FAM184A: variants seen among roughly 807,000 people sequenced by gnomAD.
FAM184A encodes the protein protein FAM184A.
A neutral mutation model predicts 143.8 loss-of-function variants in FAM184A; 99 were observed. That is an observed-to-expected ratio of 0.69 (90% CI 0.58 to 0.81). The LOEUF is 0.81. Ranked by LOEUF, FAM184A falls within the 40% of genes least tolerant of loss-of-function variation. The pLI, the probability that FAM184A is intolerant of heterozygous loss-of-function variation, is 0.00. For synonymous variants in FAM184A, 427 were observed against 446.4 expected (o/e 0.96, Z 0.55); for missense variants, 1,217 against 1,310.5 (o/e 0.93, Z 1.10).
intron 9 of FAM184A, among the ~76,000 whole-genome samples, chr6:118,996,204 A>C (rs1359307010): frequency 1.3e-5 from 2 of 152,218 alleles, no homozygotes; most frequent in Admixed American, 1.3e-4. Flanking sequence ...TTAGAAGAAA[A>C]AATCTTAAGA....
intron 1 of FAM184A, among the ~76,000 whole-genome samples, chr6:119,093,059 A>G (rs1401955455): frequency 6.6e-6 from 1 of 152,132 alleles, no homozygotes; most frequent in African/African-American, 2.4e-5. Context: ...CAAATAATTG[A>G]ATTCTTTTTA....
chr6:119,120,159 T>C (rs1789172217), intron 1 of FAM184A, among the ~76,000 whole-genome samples: 1 of 152,250 alleles, frequency 6.6e-6, no homozygotes, highest in Non-Finnish European at 1.5e-5. Flanking sequence ...TGCACCCATT[T>C]GCTGTTACTC....
intron 7 of FAM184A, among the ~76,000 whole-genome samples, chr6:119,003,960 C>T (rs923508619): frequency 1.1e-4 from 17 of 152,310 alleles, no homozygotes; most frequent in African/African-American, 3.8e-4. Flanking sequence ...TTTACCTGTA[C>T]ACCCATTACA....
At chr6:119,069,884 A>G (rs540074300) in intron 1 of FAM184A, among the ~76,000 whole-genome samples, 1 of 152,274 alleles carries the variant, frequency 6.6e-6, no homozygotes, top group South Asian at 2.1e-4. Context: ...TAAAATTATC[A>G]ATTTTATTGA....
At position 119,003,016 on chromosome 6, in the gene FAM184A, C is replaced by T. The variant is rs762227163; in HGVS notation, c.1971G>A (p.Arg657=). The stretch of plus-strand genomic sequence containing the variant: ...ACTTCTTATCCTCTTCATGTTGAAG[C>T]CTTAACTCTTCACGAAGTTTAGAAC... The part of the protein sequence containing the change: ...QECSKLREEL[R]LQHEEDKKSA... The change falls in exon 9 of 18, where the codon AGG becomes AGA. Residue 657 remains arginine (R), a synonymous_variant. Transcript: ENST00000338891. The T allele has an allele frequency of 7.5e-6, 12 of 1,609,480 alleles. No individual in the cohort carries two copies. In the African/African-American group the frequency reaches 1.2e-4, roughly 16 times the overall value.
At chr6:119,087,854 G>T (rs12212422) in intron 1 of FAM184A, among the ~76,000 whole-genome samples, 7,069 of 152,238 alleles carry the variant, frequency 0.046, 269 homozygotes, top group East Asian at 0.2. Context: ...GCCCAAATGT[G>T]TATTGATGGA....
chr6:119,135,866 A>T (rs1394448793), intron 1 of FAM184A, among the ~76,000 whole-genome samples: 1 of 151,980 alleles, frequency 6.6e-6, no homozygotes, highest in Non-Finnish European at 1.5e-5. Context: ...ATTAAAATAT[A>T]TATTATTCTT....
At position 119,097,942 on chromosome 6, in the gene FAM184A, C is replaced by T. The variant is rs1158094322; in HGVS notation, c.-202+51136G>A. On this transcript the variant is annotated intron_variant, in intron 1 of 16. Coordinates refer to the FAM184A transcript ENST00000352896. ...TAGGTCATAATGTTGCTGAACCAAACTGGGGCCCTCTCACCGGATGCAGTA... is the reference window on the plus strand; with the variant it reads ...TAGGTCATAATGTTGCTGAACCAAATTGGGGCCCTCTCACCGGATGCAGTA... 2.6e-5 allele frequency among the ~76,000 whole-genome samples: 4 copies of T among 152,200 alleles called. No individual in the cohort carries two copies. In the East Asian group the frequency reaches 5.8e-4, roughly 22 times the overall value.
chr6:119,127,029 G>A (rs139052012), intron 1 of FAM184A, among the ~76,000 whole-genome samples: 3 of 152,154 alleles, frequency 2.0e-5, no homozygotes, highest in Non-Finnish European at 4.4e-5. Flanking sequence ...TGCCAGCTGG[G>A]TCAGGGGTTT....
chr6:119,128,066 C>T (rs558860941), intron 1 of FAM184A, among the ~76,000 whole-genome samples: 1 of 152,238 alleles, frequency 6.6e-6, no homozygotes, highest in East Asian at 1.9e-4. Flanking sequence ...CTCCTTATAA[C>T]CTCCTCCCTT....
intron 1 of FAM184A, among the ~76,000 whole-genome samples, chr6:119,088,368 T>A (rs570122812): frequency 6.6e-6 from 1 of 152,296 alleles, no homozygotes; most frequent in African/African-American, 2.4e-5. Context: ...CAATAAACAT[T>A]TATTCACTGC....
chr6:119,122,006 C>G (rs565005348), intron 1 of FAM184A, among the ~76,000 whole-genome samples: 1 of 152,264 alleles, frequency 6.6e-6, no homozygotes, highest in Non-Finnish European at 1.5e-5. Flanking sequence ...TGGCCTCAAG[C>G]AGTCCTCCCA....
chr6:119,071,860 C>CTTTTTTTTTTTTTTTTTTTTTTTTTTT (rs35786966), intron 1 of FAM184A, among the ~76,000 whole-genome samples: 3 of 94,164 alleles, frequency 3.2e-5, no homozygotes, highest in Non-Finnish European at 5.9e-5. Flanking sequence ...AACCTTTAAT[C>CTTTTTTTTTTTTTTTTTTTTTTTTTTT]TTTTTTTTTT....
At chr6:119,030,198 AAAAG>A (rs1259705423) in intron 1 of FAM184A, among the ~76,000 whole-genome samples, 26 of 152,172 alleles carry the variant, frequency 1.7e-4, no homozygotes, top group African/African-American at 6.0e-4. Context: ...TAAAAACTTA[AAAAG>A]AAATAACAAA....
chr6:119,078,556 G>A lies in FAM184A; in HGVS notation c.-257C>T, dbSNP rs573047380. 6.3e-4 allele frequency: 185 copies of A among 292,898 alleles called. No individual in the cohort carries two copies. The highest frequency in any genetic ancestry group is 3.8e-3 in the African/African-American group (171 of 45,386). The allele number at this position is 292,898 out of a possible 1,614,324, so 18.1% of individuals were successfully genotyped here. Reference sequence around the variant, plus strand: ...CCGGGGTTGGGCGGCGGCGGCCGGGGGCCGGGCCAGCTCTTGGAGGCTCCT... The same window carrying A: ...CCGGGGTTGGGCGGCGGCGGCCGGGAGCCGGGCCAGCTCTTGGAGGCTCCT... On this transcript the variant is annotated 5_prime_UTR_variant, in exon 1 of 18. Coordinates refer to ENST00000338891, the MANE Select transcript of FAM184A (RefSeq NM_024581.6). This position sits in a 1 kb window ranked among gnomAD's most constrained non-coding sequence, Gnocchi z 5.5.
In FAM184A at chr6:119,027,762, G is replaced by T. The variant is rs753964470; in HGVS notation, c.160-2949C>A. ...TAGAGGCTTGAAACCCCACTGAATG[G>T]ATCTGCTGGCATACAGACTCCAGAT... On this transcript the variant is annotated intron_variant, in intron 1 of 17. Transcript: ENST00000338891. Among the ~76,000 whole-genome samples, 3 of 152,132 alleles carry T rather than the reference G, an allele frequency of 2.0e-5. No individual in the cohort carries two copies. The South Asian group carries it at 6.2e-4, about 31-fold the overall frequency.
intron 13 of FAM184A, 102 bp downstream of exon 13, chr6:118,974,922 G>C: frequency 1.2e-6 from 1 of 866,768 alleles, no homozygotes; most frequent in Non-Finnish European, 1.8e-6. Flanking sequence ...TATTTTACTA[G>C]AGAGCCAGTC....
Position 119,051,756 on chromosome 6 carries a change from G to A in FAM184A, c.159+26385C>T, listed in dbSNP as rs192419399. On this transcript the variant is annotated intron_variant, in intron 1 of 17. Transcript: ENST00000338891. ...GTAAAGTAAGAGGTAAAATAAGAGG[G>A]CTATAATGTGTTATCTTGTCTGATC... 3.4e-4 allele frequency among the ~76,000 whole-genome samples: 52 copies of A among 152,270 alleles called. No homozygotes were observed. In the East Asian group the frequency reaches 6.0e-3, roughly 18 times the overall value.
intron 1 of FAM184A, among the ~76,000 whole-genome samples, chr6:119,101,304 T>A (rs1788632507): frequency 6.6e-6 from 1 of 151,994 alleles, no homozygotes; most frequent in African/African-American, 2.4e-5. Context: ...ACTCCCAACC[T>A]CCGGTGATCC....
Sources: allele counts gnomAD v4.1 joint callset (sites outside exome capture counted in the v4.1 genomes callset), GRCh38; gene constraint gnomAD v4.1.1; non-coding constraint Gnocchi (gnomAD v3.1); transcripts MANE v1.5; gene names NCBI Gene and HGNC (gene_info 2026-07-23, HGNC 2026-07-21).